ELMO1: variants seen among roughly 807,000 people sequenced by gnomAD.
The protein encoded by ELMO1 is engulfment and cell motility 1.
Under a neutral mutation model 98.9 loss-of-function variants are expected in ELMO1, and 26 were observed. The observed-to-expected ratio is 0.26, with a 90% confidence interval of 0.19 to 0.36. The LOEUF is 0.36. Among genes scored for constraint, ELMO1 ranks in the 10% least tolerant of loss-of-function variants. The pLI is 1.00. For synonymous variants in ELMO1, 346 were observed against 346.0 expected (o/e 1.00, Z 0.00); for missense variants, 627 against 935.2 (o/e 0.67, Z 4.30).
intron 2 of ELMO1, among the ~76,000 whole-genome samples, chr7:37,317,411 T>A (rs541944862): frequency 2.6e-5 from 4 of 152,270 alleles, no homozygotes; most frequent in African/African-American, 9.6e-5. Context: ...TATCCAAGAT[T>A]TGAAAGCAAT....
intron 13 of ELMO1, among the ~76,000 whole-genome samples, chr7:37,159,960 A>T (rs1421120095): frequency 6.6e-6 from 1 of 152,212 alleles, no homozygotes; most frequent in Non-Finnish European, 1.5e-5. Flanking sequence ...TTTCATAATG[A>T]AAATTTTAAT....
intron 4 of ELMO1, among the ~76,000 whole-genome samples, chr7:37,298,123 T>G (rs1033842393): frequency 2.6e-5 from 4 of 152,164 alleles, no homozygotes; most frequent in African/African-American, 9.7e-5. Context: ...AAAGAATGCT[T>G]TATACTAGTT....
intron 1 of ELMO1, among the ~76,000 whole-genome samples, chr7:37,363,911 G>A (rs1449757671): frequency 6.6e-6 from 1 of 152,136 alleles, no homozygotes; most frequent in Admixed American, 6.5e-5. Context: ...GAAGAGTTCA[G>A]TAGAAAATCA....
intron 1 of ELMO1, among the ~76,000 whole-genome samples, chr7:37,399,198 C>G (rs556845839): frequency 6.8e-4 from 103 of 152,182 alleles, no homozygotes; most frequent in Non-Finnish European, 2.4e-4. Context: ...CAGGAAATGC[C>G]CATGAGGGCT....
At chr7:37,236,475 G>C (rs1330176519) in intron 7 of ELMO1, among the ~76,000 whole-genome samples, 12 of 152,136 alleles carry the variant, frequency 7.9e-5, no homozygotes. Flanking sequence ...TAGCTCTCTT[G>C]ATCTATCTAA....
chr7:37,211,698 C>T (rs531609602), intron 12 of ELMO1, among the ~76,000 whole-genome samples, 181 bp from the exon 13 acceptor site: 1 of 152,352 alleles, frequency 6.6e-6, no homozygotes, highest in South Asian at 2.1e-4. Flanking sequence ...CTTCCCCCGT[C>T]AGTCTCCCTG....
chr7:37,024,874 G>A (rs78644529), intron 15 of ELMO1, among the ~76,000 whole-genome samples: 2,755 of 152,064 alleles, frequency 0.018, 90 homozygotes, highest in African/African-American at 0.063. Flanking sequence ...TTAGCTTCGC[G>A]TTAGAAAGGT....
chr7:36,997,148 GAACA>G (rs1562885569), intron 16 of ELMO1, among the ~76,000 whole-genome samples: 1 of 151,898 alleles, frequency 6.6e-6, no homozygotes, highest in East Asian at 1.9e-4. Flanking sequence ...GCAGGATACA[GAACA>G]AACTGAGTCC....
At chr7:37,406,617 T>A (rs747570839) in intron 1 of ELMO1, among the ~76,000 whole-genome samples, 1 of 151,770 alleles carries the variant, frequency 6.6e-6, no homozygotes, top group Non-Finnish European at 1.5e-5. Context: ...TTTTTTTTTT[T>A]AGTAGAGACG....
chr7:36,882,604 A>T (rs555946266), intron 18 of ELMO1, among the ~76,000 whole-genome samples: 90 of 152,372 alleles, frequency 5.9e-4, no homozygotes, highest in African/African-American at 2.1e-3. Flanking sequence ...TTGGTCTAAC[A>T]GGTGCCTTGA....
At chr7:37,077,531 G>A (rs1373528243) in intron 15 of ELMO1, among the ~76,000 whole-genome samples, 1 of 152,236 alleles carries the variant, frequency 6.6e-6, no homozygotes, top group Non-Finnish European at 1.5e-5. Flanking sequence ...ACAGTTGCAG[G>A]ATGAAGCAGG....
At chr7:37,219,621 T>C (rs1793484165) in intron 10 of ELMO1, among the ~76,000 whole-genome samples, 1 of 152,152 alleles carries the variant, frequency 6.6e-6, no homozygotes, top group African/African-American at 2.4e-5. Context: ...ACTTGGCAAA[T>C]ACAGGAGAAT....
At chr7:37,412,767 T>A (rs1804046874) in intron 1 of ELMO1, among the ~76,000 whole-genome samples, 1 of 152,198 alleles carries the variant, frequency 6.6e-6, no homozygotes, top group South Asian at 2.1e-4. Context: ...AGATGCCACA[T>A]GATTGTCTCT....
intron 2 of ELMO1, among the ~76,000 whole-genome samples, chr7:37,332,952 A>G (rs542455023): frequency 3.2e-4 from 49 of 152,274 alleles, no homozygotes; most frequent in African/African-American, 8.4e-4. Context: ...TAGGACGGAA[A>G]AAGGGTGGAT....
chr7:37,336,267 C>T (rs1377450754), intron 2 of ELMO1, among the ~76,000 whole-genome samples: 1 of 152,040 alleles, frequency 6.6e-6, no homozygotes, highest in Non-Finnish European at 1.5e-5. Flanking sequence ...CCCCCCTCTA[C>T]ATGATATAAC....
intron 16 of ELMO1, among the ~76,000 whole-genome samples, chr7:36,929,719 C>T (rs1188560606): frequency 1.3e-5 from 2 of 152,280 alleles, no homozygotes; most frequent in East Asian, 3.9e-4. Flanking sequence ...GTGAAAATAG[C>T]TGGCGATGTA....
At position 36,855,844 on chromosome 7, in the gene ELMO1, G is replaced by T; in HGVS notation, c.1984-93C>A. 1 of 1,447,406 alleles carries T rather than the reference G, an allele frequency of 6.9e-7. No homozygotes were observed. The highest frequency in any genetic ancestry group is 9.6e-7 in the Non-Finnish European group (1 of 1,040,422). 89.7% of individuals were successfully genotyped at this position (1,447,406 alleles called of 1,614,324 possible). Reference sequence around the variant, plus strand: ...GCTAACAGTGAATACTCATCCCTCAGTAGGCTGTGCGCTAAGGGCTCTGCC... The same window carrying T: ...GCTAACAGTGAATACTCATCCCTCATTAGGCTGTGCGCTAAGGGCTCTGCC... On this transcript the variant is annotated intron_variant, in intron 21 of 21. Transcript: ENST00000310758. The surrounding 1 kb of genome is among the most constrained non-coding windows in gnomAD (Gnocchi z 4.2).
chr7:36,878,092 C>T lies in ELMO1; in HGVS notation c.1740G>A (p.Ser580=), dbSNP rs147233129. 1.2e-5 allele frequency: 20 copies of T among 1,613,828 alleles called. No homozygotes were observed. The highest frequency in any genetic ancestry group is 6.7e-5 in the African/African-American group (5 of 74,928). The change falls in exon 19 of 22, where the codon TCG becomes TCA. Residue 580 remains serine, a synonymous_variant. Coordinates refer to ENST00000310758, the MANE Select transcript of ELMO1 (RefSeq NM_014800.11). ...RQDKFWYCRL[S]PNHKVLHYGD... The stretch of plus-strand genomic sequence containing the variant: ...CGTAATGCAGGACTTTGTGATTTGG[C>T]GAAAGCCGACAATACCAAAACTTGT...
At chr7:36,927,209 T>C (rs550460919) in intron 16 of ELMO1, among the ~76,000 whole-genome samples, 1 of 152,232 alleles carries the variant, frequency 6.6e-6, no homozygotes, top group South Asian at 2.1e-4. Context: ...ACCAAGAACC[T>C]AGATTATCTG....
Sources: allele counts gnomAD v4.1 joint callset (sites outside exome capture counted in the v4.1 genomes callset), GRCh38; gene constraint gnomAD v4.1.1; non-coding constraint Gnocchi (gnomAD v3.1); transcripts MANE v1.5; gene names NCBI Gene and HGNC (gene_info 2026-07-23, HGNC 2026-07-21).